SCN11A: variants seen among roughly 807,000 people sequenced by gnomAD.
SCN11A encodes the protein sodium channel protein type 11 subunit alpha.
In SCN11A, 122 loss-of-function variants were observed where a neutral mutation model predicts 162.2. The observed-to-expected ratio is 0.75, with a 90% CI of 0.65 to 0.87. The LOEUF is 0.87. Among genes scored for constraint, SCN11A ranks in the 40% least tolerant of loss-of-function variants. SCN11A has a pLI of 0.00. For synonymous variants in SCN11A, 758 were observed against 751.5 expected (o/e 1.01, Z -0.14); for missense variants, 2,015 against 2,181.6 (o/e 0.92, Z 1.52).
At chr3:39,007,087 T>C (rs1021178327) in intron 2 of SCN11A, among the ~76,000 whole-genome samples, 3 of 151,982 alleles carry the variant, frequency 2.0e-5, no homozygotes, top group Non-Finnish European at 4.4e-5. Context: ...AACATGAATT[T>C]CCAGATTAAA....
chr3:38,940,626 A>G (rs2066428712), intron 7 of SCN11A, among the ~76,000 whole-genome samples: 1 of 152,202 alleles, frequency 6.6e-6, no homozygotes, highest in African/African-American at 2.4e-5. Context: ...CTATGAAGTC[A>G]GATCTATTTA....
intron 29 of SCN11A, 34 bp downstream of exon 29, chr3:38,850,438 ACTTCTGGTT>A (rs1314027341): frequency 6.5e-7 from 1 of 1,548,038 alleles, no homozygotes; most frequent in Non-Finnish European, 8.8e-7. Flanking sequence ...TTACAAACTT[ACTTCTGGTT>A]CTTAAAGTCC....
chr3:38,938,871 A>T (rs2066397817), intron 7 of SCN11A, among the ~76,000 whole-genome samples: 1 of 151,796 alleles, frequency 6.6e-6, no homozygotes, highest in Non-Finnish European at 1.5e-5. Flanking sequence ...GGCCAAAAAT[A>T]TTATATTTTT....
chr3:38,987,297 TCTCTCTCACACACACA>T (rs1469542973), intron 2 of SCN11A, among the ~76,000 whole-genome samples: 2 of 117,182 alleles, frequency 1.7e-5, no homozygotes, highest in South Asian at 2.6e-4. Flanking sequence ...TCTCTCTCTC[TCTCTCTCACACACACA>T]CACACACACA....
At chr3:39,032,296 G>T (rs1379882893) in intron 2 of SCN11A, among the ~76,000 whole-genome samples, 84 bp downstream of exon 2, 1 of 152,034 alleles carries the variant, frequency 6.6e-6, no homozygotes, top group Non-Finnish European at 1.5e-5. Flanking sequence ...TATAAATAAA[G>T]GCTCTAATTA....
rs190728314 is a variant in SCN11A at position 39,040,492 on chromosome 3, C to G, written c.-403-7989G>C. 2.7e-3 allele frequency among the ~76,000 whole-genome samples: 415 copies of G among 152,300 alleles called. 1 individual carries two copies. The highest frequency in any genetic ancestry group is 4.9e-3 in the Non-Finnish European group (331 of 68,028). Reference sequence around the variant, plus strand: ...CATAAGAAAACAAGGAAACACGACACTGCCAAAGGAACACAATAATTCTCC... The same window carrying G: ...CATAAGAAAACAAGGAAACACGACAGTGCCAAAGGAACACAATAATTCTCC... On this transcript the variant is annotated intron_variant, in intron 1 of 29. Coordinates refer to ENST00000302328, the MANE Select transcript of SCN11A (RefSeq NM_001349253.2).
intron 9 of SCN11A, 24 bp downstream of exon 9, chr3:38,925,391 G>C (rs1477827384): frequency 2.8e-6 from 4 of 1,454,026 alleles, no homozygotes; most frequent in Non-Finnish European, 3.9e-6. Flanking sequence ...ATAGGAGCCA[G>C]TGTGGAAAGT....
At chr3:39,018,798 A>G (rs2125605991) in intron 2 of SCN11A, among the ~76,000 whole-genome samples, 1 of 152,330 alleles carries the variant, frequency 6.6e-6, no homozygotes, top group South Asian at 2.1e-4. Flanking sequence ...AGCCTGGGTG[A>G]CAGAGCAAGA....
chr3:38,965,401 T>C (rs1408912058), intron 2 of SCN11A, among the ~76,000 whole-genome samples: 1 of 152,184 alleles, frequency 6.6e-6, no homozygotes, highest in Non-Finnish European at 1.5e-5. Flanking sequence ...AGGTCTGGTT[T>C]CTTCATTCCC....
chr3:38,894,197 A>G (rs1480750928), intron 19 of SCN11A, among the ~76,000 whole-genome samples: 1 of 152,004 alleles, frequency 6.6e-6, no homozygotes, highest in Non-Finnish European at 1.5e-5. Flanking sequence ...CAAACAAAAC[A>G]TGCTATTCAG....
chr3:38,869,144 T>A (rs1366337942), intron 26 of SCN11A, among the ~76,000 whole-genome samples: 1 of 151,956 alleles, frequency 6.6e-6, no homozygotes, highest in Non-Finnish European at 1.5e-5. Context: ...CCAGTACATA[T>A]CAGGACCGGC....
intron 2 of SCN11A, among the ~76,000 whole-genome samples, chr3:38,962,606 T>G (rs1449142292): frequency 6.6e-6 from 1 of 152,066 alleles, no homozygotes; most frequent in African/African-American, 2.4e-5. Flanking sequence ...ATCCTAGCAC[T>G]TTGGGAGGCT....
At chr3:38,933,673 AAAAAAGAAT>A (rs2066281150) in intron 7 of SCN11A, among the ~76,000 whole-genome samples, 1 of 152,172 alleles carries the variant, frequency 6.6e-6, no homozygotes, top group African/African-American at 2.4e-5. Flanking sequence ...AAGTTTAGAG[AAAAAAGAAT>A]AAAAAGAAAC....
intron 14 of SCN11A, among the ~76,000 whole-genome samples, chr3:38,906,924 C>T (rs995766468): frequency 6.6e-6 from 1 of 152,096 alleles, no homozygotes; most frequent in South Asian, 2.1e-4. Context: ...CATGCATGAG[C>T]GTGCGTGCAC....
chr3:38,865,612 A>C (rs191171070), intron 27 of SCN11A, among the ~76,000 whole-genome samples: 1 of 84,816 alleles, frequency 1.2e-5, no homozygotes. Flanking sequence ...AAGTACAATT[A>C]AAAAAAAGCC....
intron 2 of SCN11A, among the ~76,000 whole-genome samples, chr3:38,963,674 T>C (rs994838964): frequency 2.6e-5 from 4 of 151,654 alleles, no homozygotes; most frequent in African/African-American, 4.8e-5. Flanking sequence ...GAGTAAGCTA[T>C]GAGGATGCAA....
chr3:38,850,835 T>G, intron 28 of SCN11A, 84 bp from the exon 29 acceptor site: 1 of 1,204,740 alleles, frequency 8.3e-7, no homozygotes, highest in Non-Finnish European at 1.1e-6. Context: ...ACAACAGAAT[T>G]TGTTTTTCCT....
chr3:38,894,856 G>T lies in SCN11A; in HGVS notation c.2512C>A (p.Arg838=). The change falls in exon 19 of 30, where the codon CGA becomes AGA. Residue 838 remains arginine, a synonymous_variant. Coordinates refer to ENST00000302328, the MANE Select transcript of SCN11A (RefSeq NM_001349253.2). ...ACAAAACAAAAAGCCCGGCGGAATCGATCCAGTGCTAACTGGACTTTAGTT... is the reference window on the plus strand; with the variant it reads ...ACAAAACAAAAAGCCCGGCGGAATCTATCCAGTGCTAACTGGACTTTAGTT... The part of the protein sequence containing the change: ...RKTKVQLALD[R]FRRAFCFVRH... 1 of 1,614,172 alleles carries T rather than the reference G, an allele frequency of 6.2e-7. No individual in the cohort carries two copies. Among genetic ancestry groups the T allele is most frequent in the Non-Finnish European group, 8.5e-7 (1 of 1,180,030 alleles).
intron 1 of SCN11A, among the ~76,000 whole-genome samples, chr3:39,044,365 T>A (rs1359958566): frequency 3.3e-5 from 5 of 152,176 alleles, no homozygotes; most frequent in African/African-American, 4.8e-5. Flanking sequence ...AGCTGCAGAA[T>A]ACACATTCTT....
Sources: allele counts gnomAD v4.1 joint callset (sites outside exome capture counted in the v4.1 genomes callset), GRCh38; gene constraint gnomAD v4.1.1; transcripts MANE v1.5; gene names NCBI Gene and HGNC (gene_info 2026-07-23, HGNC 2026-07-21).